The following SPAG16 variants were observed in gnomAD, a reference collection of about 807,000 sequenced individuals.
SPAG16 encodes sperm-associated antigen 16 protein.
Under a neutral mutation model 80.4 loss-of-function variants are expected in SPAG16, and 86 were observed. The observed-to-expected ratio is 1.07, with a 90% CI of 0.90 to 1.28. The LOEUF (loss-of-function observed/expected upper bound fraction) is 1.28. Ranked by LOEUF, SPAG16 falls within the 50% of genes most tolerant of loss-of-function variation. The pLI, the probability that SPAG16 is intolerant of heterozygous loss-of-function variation, is 0.00. For missense variants in SPAG16, 870 were observed against 765.3 expected (o/e 1.14, Z -1.61); for synonymous variants, 294 against 265.9 (o/e 1.11, Z -1.03).
At chr2:213,456,872 G>T (rs1176826603) in intron 9 of SPAG16, among the ~76,000 whole-genome samples, 1 of 151,760 alleles carries the variant, frequency 6.6e-6, no homozygotes, top group Non-Finnish European at 1.5e-5. Context: ...TTTTTCTTCT[G>T]CTTATTTTGG....
chr2:213,627,820 G>C (rs756183559), intron 10 of SPAG16, among the ~76,000 whole-genome samples: 1 of 152,172 alleles, frequency 6.6e-6, no homozygotes. Flanking sequence ...TGCATCTCTT[G>C]TGTTTACATT....
At chr2:213,831,404 A>T (rs2073649884) in intron 10 of SPAG16, among the ~76,000 whole-genome samples, 2 of 111,104 alleles carry the variant, frequency 1.8e-5, no homozygotes, top group South Asian at 5.0e-4. Context: ...TTCAATTCAT[A>T]ATTCAGGTGT....
chr2:214,368,858 C>T (rs1156575205), intron 15 of SPAG16, among the ~76,000 whole-genome samples: 1 of 152,006 alleles, frequency 6.6e-6, no homozygotes, highest in African/African-American at 2.4e-5. Flanking sequence ...CTGAAATTCC[C>T]ATTTCTGCCT....
chr2:213,952,983 A>C (rs1185523037), intron 12 of SPAG16, among the ~76,000 whole-genome samples: 3 of 152,074 alleles, frequency 2.0e-5, no homozygotes, highest in Non-Finnish European at 2.9e-5. Flanking sequence ...GGACAGGTAA[A>C]CACATAATTG....
intron 9 of SPAG16, among the ~76,000 whole-genome samples, chr2:213,440,236 G>C (rs573765850): frequency 6.6e-6 from 1 of 152,238 alleles, no homozygotes; most frequent in East Asian, 1.9e-4. Context: ...CTTATTTTAA[G>C]ACCAGAATAA....
At chr2:213,445,598 G>A (rs2071253957) in intron 9 of SPAG16, among the ~76,000 whole-genome samples, 1 of 152,096 alleles carries the variant, frequency 6.6e-6, no homozygotes, top group Admixed American at 6.5e-5. Context: ...CCCGAGAGGT[G>A]GAGGTTGCGG....
At chr2:214,110,378 C>T (rs923398664) in intron 14 of SPAG16, among the ~76,000 whole-genome samples, 3 of 149,662 alleles carry the variant, frequency 2.0e-5, no homozygotes, top group African/African-American at 2.5e-5. Flanking sequence ...TGAGTGAGAA[C>T]ATGCGGTGTT....
rs1553706944 is a variant in SPAG16, at chr2:214,062,020, C to CACACACACACACACACACAT, written c.1528-46176_1528-46175insACACACACACACACACACAT. On this transcript the variant is annotated intron_variant, in intron 13 of 15. Transcript: ENST00000331683. ...ACACACACACACACACACACACACA[C>CACACACACACACACACACAT]GCAGTGTGTAGTATTCAGAAGAAAG... 5.7e-4 allele frequency among the ~76,000 whole-genome samples: 84 copies of CACACACACACACACACACAT among 146,666 alleles called. 1 individual carries two copies. The highest frequency in any genetic ancestry group is 1.3e-3 in the African/African-American group (53 of 39,752).
At chr2:213,823,714 G>A (rs193165789) in intron 10 of SPAG16, among the ~76,000 whole-genome samples, 4 of 152,196 alleles carry the variant, frequency 2.6e-5, no homozygotes, top group East Asian at 3.9e-4. Context: ...GTCTTCTTTC[G>A]AGAAATGTCT....
chr2:214,274,924 C>T (rs1196961950), intron 15 of SPAG16, among the ~76,000 whole-genome samples: 1 of 152,080 alleles, frequency 6.6e-6, no homozygotes, highest in Non-Finnish European at 1.5e-5. Flanking sequence ...TCCATCTGGT[C>T]CTAAACTTTT....
At chr2:214,404,044 A>G (rs564619144) in intron 15 of SPAG16, among the ~76,000 whole-genome samples, 2 of 152,320 alleles carry the variant, frequency 1.3e-5, no homozygotes, top group African/African-American at 2.4e-5. Flanking sequence ...ATTCCACTAT[A>G]GGGAATTACA....
intron 15 of SPAG16, among the ~76,000 whole-genome samples, chr2:214,185,024 T>A (rs2057424400): frequency 1.3e-5 from 2 of 152,174 alleles, no homozygotes; most frequent in East Asian, 1.9e-4. Flanking sequence ...TGATTATTAA[T>A]CTCAATAATC....
chr2:213,763,463 A>G (rs2068768354), intron 10 of SPAG16, among the ~76,000 whole-genome samples: 1 of 152,178 alleles, frequency 6.6e-6, no homozygotes, highest in Non-Finnish European at 1.5e-5. Context: ...CACTTATATT[A>G]GGTATTCAAG....
chr2:214,187,606 C>T (rs551418910), intron 15 of SPAG16, among the ~76,000 whole-genome samples: 71 of 151,926 alleles, frequency 4.7e-4, no homozygotes, highest in Non-Finnish European at 5.6e-4. Flanking sequence ...GAGAAACAGG[C>T]TTTTTCATCC....
intron 15 of SPAG16, among the ~76,000 whole-genome samples, chr2:214,228,430 T>C (rs1450437814): frequency 1.3e-5 from 2 of 151,904 alleles, no homozygotes; most frequent in Non-Finnish European, 2.9e-5. Flanking sequence ...TAAGTAATTT[T>C]TTAAGCTACC....
chr2:213,556,583 T>C (rs902297764), intron 10 of SPAG16, among the ~76,000 whole-genome samples: 20 of 152,082 alleles, frequency 1.3e-4, no homozygotes, highest in African/African-American at 4.3e-4. Context: ...TCAGAATACC[T>C]AAGCATATAA....
chr2:213,646,635 G>T (rs758868713), intron 10 of SPAG16, among the ~76,000 whole-genome samples: 2 of 152,164 alleles, frequency 1.3e-5, no homozygotes, highest in African/African-American at 4.8e-5. Context: ...TTAAAAAGAC[G>T]TGAGTCCTCT....
chr2:213,893,685 A>G (rs916672367), intron 11 of SPAG16, among the ~76,000 whole-genome samples: 1 of 152,052 alleles, frequency 6.6e-6, no homozygotes, highest in Non-Finnish European at 1.5e-5. Context: ...AAATAACTTT[A>G]TTATATCTAT....
chr2:214,109,532 T>G (rs759234173), intron 14 of SPAG16, among the ~76,000 whole-genome samples: 3 of 152,176 alleles, frequency 2.0e-5, no homozygotes, highest in Non-Finnish European at 4.4e-5. Context: ...TAGTCAAAAT[T>G]CTGTTACCAT....
Sources: gnomAD v4.1 joint callset for allele counts (sites outside exome capture counted in the v4.1 genomes callset) on GRCh38, gnomAD v4.1.1 for gene constraint, MANE v1.5 for transcripts, NCBI Gene and HGNC (gene_info 2026-07-23, HGNC 2026-07-21) for gene names.